TRPC3: variants seen among roughly 807,000 people sequenced by gnomAD.
TRPC3 encodes the protein transient receptor potential cation channel subfamily C member 3, also known as short transient receptor potential channel 3.
A neutral mutation model predicts 90.9 loss-of-function variants in TRPC3; 54 were observed. The ratio of observed to expected loss-of-function variants is 0.59; its 90% CI spans 0.48 to 0.75. The LOEUF (loss-of-function observed/expected upper bound fraction) is 0.75, where lower values mean the gene tolerates loss of function less well. Among genes scored for constraint, TRPC3 ranks in the 30% least tolerant of loss-of-function variants. The pLI, the probability that TRPC3 is intolerant of heterozygous loss-of-function variation, is 0.00. For missense variants in TRPC3, 918 were observed against 1,194.5 expected, an observed-to-expected ratio of 0.77 and a Z score of 3.41; for synonymous variants, 424 against 450.9, an observed-to-expected ratio of 0.94 and a Z score of 0.75.
intron 2 of TRPC3, chr4:121,930,830 T>TAAAAAAAAAAA (rs71599162): frequency 1.5e-5 from 3 of 204,272 alleles, no homozygotes; most frequent in Non-Finnish European, 8.5e-6. Context: ...CTCTGAGATC[T>TAAAAAAAAAAA]AAAAAAAAAA....
At chr4:121,939,355 G>T (rs988441293) in intron 1 of TRPC3, among the ~76,000 whole-genome samples, 17 of 152,180 alleles carry the variant, frequency 1.1e-4, no homozygotes, top group African/African-American at 3.9e-4. Flanking sequence ...ACTGTCTAAT[G>T]AAAAGATTTT....
At chr4:121,922,566 T>C (rs1453640379) in intron 3 of TRPC3, among the ~76,000 whole-genome samples, 2 of 152,198 alleles carry the variant, frequency 1.3e-5, no homozygotes, top group Non-Finnish European at 2.9e-5. Context: ...TTATTTAAAA[T>C]TGACATGCAG....
rs1730793149 is a variant in TRPC3 at position 121,951,984 on chromosome 4, C to CGCG, written c.-307_-305dup. 6.8e-6 allele frequency among the ~76,000 whole-genome samples: 1 copy of CGCG among 146,864 alleles called. No homozygotes were observed. The highest frequency in any genetic ancestry group is 1.5e-5 in the Non-Finnish European group (1 of 66,554). On this transcript the variant is annotated 5_prime_UTR_variant, in exon 1 of 12. Transcript: ENST00000379645. The surrounding 1 kb of genome is among the most constrained non-coding windows in gnomAD (Gnocchi z 4.4). Reference sequence around the variant, plus strand: ...GGTGCTGGGAGAGGCTCTCCAGCCCCGCGGCGGCGGCGATGCCTCCTCGGC... The same window carrying CGCG: ...GGTGCTGGGAGAGGCTCTCCAGCCCCGCGGCGGCGGCGGCGATGCCTCCTCGGC...
intron 1 of TRPC3, among the ~76,000 whole-genome samples, chr4:121,940,533 C>A (rs189631962): frequency 6.6e-6 from 1 of 152,304 alleles, no homozygotes; most frequent in African/African-American, 2.4e-5. Context: ...CCTCTCTGAA[C>A]ACACTGTTAT....
chr4:121,910,656 G>C (rs372661209), intron 5 of TRPC3, among the ~76,000 whole-genome samples: 1 of 152,174 alleles, frequency 6.6e-6, no homozygotes, highest in African/African-American at 2.4e-5. Context: ...CTATTCATGA[G>C]AGGAGGTGGT....
At chr4:121,924,737 C>T (rs942818485) in intron 3 of TRPC3, among the ~76,000 whole-genome samples, 2 of 152,032 alleles carry the variant, frequency 1.3e-5, no homozygotes, top group African/African-American at 4.8e-5. Flanking sequence ...GACAGGGTCT[C>T]GCTATGTTGC....
rs148815207 is a variant in TRPC3, at chr4:121,927,635, G to A, written c.988-2429C>T. Among the ~76,000 whole-genome samples, 425 of 152,166 alleles carry A rather than the reference G, an allele frequency of 2.8e-3. 1 individual carries two copies. Among genetic ancestry groups the A allele is most frequent in the African/African-American group, 9.9e-3 (410 of 41,530 alleles). On this transcript the variant is annotated intron_variant, in intron 2 of 11. Transcript: ENST00000379645. ...AACGTGATTTGATGAGCAAAACCACGTCATCAGCTAAAATAAACAAGAAGA... is the reference window on the plus strand; with the variant it reads ...AACGTGATTTGATGAGCAAAACCACATCATCAGCTAAAATAAACAAGAAGA...
At chr4:121,950,635 C>T (rs1172532621) in intron 1 of TRPC3, 1 of 152,246 alleles carries the variant, frequency 6.6e-6, no homozygotes, top group African/African-American at 2.4e-5. Context: ...TGCTCTTTCT[C>T]ATGCATTAGC....
At chr4:121,933,299 G>A (rs758524235) in intron 1 of TRPC3, 449 of 550,236 alleles carry the variant, frequency 8.2e-4, no homozygotes, top group Admixed American at 1.4e-3. Context: ...ATGATATTCA[G>A]ATGGAATAAT....
At chr4:121,911,759 G>A (rs1560700156) in intron 5 of TRPC3, 118 bp downstream of exon 5, 3 of 1,032,304 alleles carry the variant, frequency 2.9e-6, no homozygotes, top group Non-Finnish European at 4.1e-6. Context: ...AGCTTATCTT[G>A]CAACAGTGAT....
At chr4:121,922,260 T>C (rs1729548945) in intron 3 of TRPC3, among the ~76,000 whole-genome samples, 1 of 151,960 alleles carries the variant, frequency 6.6e-6, no homozygotes, top group South Asian at 2.1e-4. Context: ...AAAGGAGAAA[T>C]TGGGGCTTTG....
intron 1 of TRPC3, among the ~76,000 whole-genome samples, chr4:121,946,316 A>G (rs1730485909): frequency 6.6e-6 from 1 of 152,182 alleles, no homozygotes; most frequent in South Asian, 2.1e-4. Flanking sequence ...GGAAAAAAAG[A>G]CCTCATACAA....
intron 3 of TRPC3, among the ~76,000 whole-genome samples, chr4:121,921,766 C>T (rs986106140): frequency 1.3e-5 from 2 of 151,898 alleles, no homozygotes; most frequent in Admixed American, 6.6e-5. Flanking sequence ...TCATTATAAC[C>T]CAAGACGTGG....
rs1727797731 is a variant in TRPC3, at chr4:121,877,567, G to A, written c.*2169C>T. Among the ~76,000 whole-genome samples the A allele has an allele frequency of 6.6e-6, 1 of 152,066 alleles. No homozygotes were observed. The highest frequency in any genetic ancestry group is 2.1e-4 in the South Asian group (1 of 4,828). On this transcript the variant is annotated 3_prime_UTR_variant, in exon 12 of 12. Transcript: ENST00000379645. ...AGGAACTGCACAGGAGAATCTGGGA[G>A]ACAGGTGCACTGGTCCAGTAGAGGG...
intron 3 of TRPC3, among the ~76,000 whole-genome samples, chr4:121,918,345 C>T (rs778349670): frequency 1.3e-5 from 2 of 152,150 alleles, no homozygotes; most frequent in East Asian, 1.9e-4. Flanking sequence ...AGGCACTAGT[C>T]GTTCTTAGGT....
At chr4:121,919,715 C>T (rs1230460130) in intron 3 of TRPC3, among the ~76,000 whole-genome samples, 1 of 152,196 alleles carries the variant, frequency 6.6e-6, no homozygotes, top group Non-Finnish European at 1.5e-5. Context: ...TATACTGCTG[C>T]ATGTTTCTTT....
chr4:121,949,540 C>T (rs1427941126), intron 1 of TRPC3, among the ~76,000 whole-genome samples: 3 of 152,126 alleles, frequency 2.0e-5, no homozygotes, highest in Non-Finnish European at 4.4e-5. Context: ...GTTTATGAAA[C>T]AGTGGCCGGA....
chr4:121,905,045 C>G (rs2149120411), intron 7 of TRPC3, among the ~76,000 whole-genome samples: 1 of 152,060 alleles, frequency 6.6e-6, no homozygotes, highest in South Asian at 2.1e-4. Context: ...TGATGGAATG[C>G]TATGCAGTCA....
At position 121,927,093 on chromosome 4, in the gene TRPC3, A is replaced by G. The variant is rs76440267; in HGVS notation, c.988-1887T>C. 0.011 allele frequency among the ~76,000 whole-genome samples: 1,682 copies of G among 152,312 alleles called. 111 individuals carry two copies. In the East Asian group the frequency reaches 0.21, roughly 19 times the overall value. On this transcript the variant is annotated intron_variant, in intron 2 of 11. Coordinates refer to ENST00000379645, the MANE Select transcript of TRPC3 (RefSeq NM_001130698.2). ...TATTACTGTGCCCTGCAGAACTAGA[A>G]GAAGAGAAATATATCACTGTATGTA...
Sources: allele counts gnomAD v4.1 joint callset (sites outside exome capture counted in the v4.1 genomes callset), GRCh38; gene constraint gnomAD v4.1.1; non-coding constraint Gnocchi (gnomAD v3.1); transcripts MANE v1.5; gene names NCBI Gene and HGNC (gene_info 2026-07-23, HGNC 2026-07-21).